SLC16A5: variants seen among roughly 807,000 people sequenced by gnomAD.
The protein encoded by SLC16A5 is monocarboxylate transporter 6.
SLC16A5 carries 29 observed loss-of-function variants against 33.2 expected under a neutral mutation model. The observed-to-expected ratio is 0.87, with a 90% confidence interval of 0.65 to 1.19. The LOEUF (loss-of-function observed/expected upper bound fraction) is 1.19. Ranked by LOEUF, SLC16A5 falls within the 50% of genes most tolerant of loss-of-function variation. The pLI is 0.00. For synonymous variants in SLC16A5, 248 were observed against 284.1 expected (o/e 0.87, Z 1.28); for missense variants, 606 against 678.2 (o/e 0.89, Z 1.18).
intron 2 of SLC16A5, chr17:75,093,256 C>T (rs1191338047): frequency 4.4e-6 from 3 of 675,636 alleles, no homozygotes; most frequent in Non-Finnish European, 7.6e-6. Context: ...CTAGGAGGTC[C>T]CCCTGTTGAC....
At chr17:75,099,829 T>C in intron 4 of SLC16A5, 178 bp from the exon 5 acceptor site, 1 of 612,976 alleles carries the variant, frequency 1.6e-6, no homozygotes, top group Non-Finnish European at 2.8e-6. Context: ...TGGGGTGGGG[T>C]GCCTACAGGG....
chr17:75,098,116 G>C lies in SLC16A5; in HGVS notation c.278G>C (p.Gly93Ala), dbSNP rs1008667433. Residue 93 changes from glycine to alanine, a missense_variant, in exon 4 of 7, where the codon GGC becomes GCC. Gly to Ala is a moderately conservative substitution (Grantham distance 60, BLOSUM62 0). Transcript: ENST00000329783. Reference sequence around the variant, plus strand: ...CTGGGGGGCGTGCTGGCCAGCCTGGGCATGGTGGCCAGCTCCTTCTCTCAC... The same window carrying C: ...CTGGGGGGCGTGCTGGCCAGCCTGGCCATGGTGGCCAGCTCCTTCTCTCAC... The part of the protein sequence containing the change: ...VMLGGVLASL[G>A]MVASSFSHNL... The C allele has an allele frequency of 1.2e-6, 2 of 1,612,262 alleles. No homozygotes were observed. Among genetic ancestry groups the C allele is most frequent in the African/African-American group, 1.3e-5 (1 of 74,906 alleles).
At chr17:75,106,702 C>A (rs996149495), downstream of SLC16A5, among the ~76,000 whole-genome samples, 14 of 151,820 alleles carry the variant, frequency 9.2e-5, no homozygotes, top group African/African-American at 3.4e-4. Context: ...CAAGACCAGC[C>A]TGGCCAACAT....
At chr17:75,088,707 C>T (rs886636911) in intron 1 of SLC16A5, among the ~76,000 whole-genome samples, 11 of 152,130 alleles carry the variant, frequency 7.2e-5, no homozygotes, top group African/African-American at 2.4e-4. Flanking sequence ...CGGGGCTCTC[C>T]CACCATGGGA....
At chr17:75,091,103 G>C (rs751280629) in intron 2 of SLC16A5, among the ~76,000 whole-genome samples, 16 of 152,186 alleles carry the variant, frequency 1.1e-4, no homozygotes, top group Non-Finnish European at 2.1e-4. Context: ...GGGCCTGGGA[G>C]TGCCAGGGCT....
intron 2 of SLC16A5, among the ~76,000 whole-genome samples, chr17:75,092,826 TGTGTGTGTGTGTG>T (rs1025484166): frequency 1.2e-5 from 1 of 83,646 alleles, no homozygotes; most frequent in African/African-American, 6.2e-5. Context: ...CCACTGCGTG[TGTGTGTGTGTGTG>T]TGTGTGTGTG....
chr17:75,104,790 G>A (rs2073843016), intron 6 of SLC16A5: 1 of 985,290 alleles, frequency 1.0e-6, no homozygotes, highest in Non-Finnish European at 1.2e-6. Flanking sequence ...TCCAGGAGCA[G>A]GCCCTCCGGA....
rs535752297 is a variant in SLC16A5, at chr17:75,104,103, C to T, written c.1287C>T (p.Val429=). The T allele has an allele frequency of 5.0e-6, 8 of 1,614,206 alleles. No individual in the cohort carries two copies. Among genetic ancestry groups the T allele is most frequent in the African/African-American group, 2.7e-5 (2 of 75,056 alleles). ...AGAAGGAGCAAGGCAAGCAGGCTGTCGCGGCGGATGCCCTGGAGCGGGATC... is the reference window on the plus strand; with the variant it reads ...AGAAGGAGCAAGGCAAGCAGGCTGTTGCGGCGGATGCCCTGGAGCGGGATC... ...LQKKEQGKQA[V]AADALERDLF... is the part of the protein sequence containing the mutation. The change falls in exon 6 of 7, where the codon GTC becomes GTT. Residue 429 remains valine (V), a synonymous_variant. Coordinates refer to ENST00000329783, the MANE Select transcript of SLC16A5 (RefSeq NM_004695.4).
intron 4 of SLC16A5, 101 bp downstream of exon 4, chr17:75,098,282 G>T: frequency 1.3e-6 from 2 of 1,492,230 alleles, no homozygotes; most frequent in South Asian, 2.4e-5. Context: ...GGAACTGCTG[G>T]CTGGGTGCGG....
At chr17:75,091,114 A>G (rs868440730) in intron 2 of SLC16A5, among the ~76,000 whole-genome samples, 4 of 152,122 alleles carry the variant, frequency 2.6e-5, no homozygotes, top group South Asian at 2.1e-4. Context: ...TGCCAGGGCT[A>G]GGTGGCAGGG....
At position 75,096,972 on chromosome 17, in the gene SLC16A5, C is replaced by T. The variant is rs113611619; in HGVS notation, c.200-1066C>T. ...TCCCAAGTAGCTGGGATTACAGGCA[C>T]GCACCACCATGCCTGGCTAATTTTT... On this transcript the variant is annotated intron_variant, in intron 3 of 6. Transcript: ENST00000329783. Among the ~76,000 whole-genome samples, 4 of 147,966 alleles carry T rather than the reference C, an allele frequency of 2.7e-5. 1 individual carries two copies. The highest frequency in any genetic ancestry group is 4.3e-4 in the South Asian group (2 of 4,648).
chr17:75,105,702 G>A, intron 6 of SLC16A5, 178 bp from the exon 7 acceptor site: 1 of 985,446 alleles, frequency 1.0e-6, no homozygotes, highest in Non-Finnish European at 1.2e-6. Flanking sequence ...CCCTGCAGCA[G>A]GTCATAAACT....
intron 2 of SLC16A5, chr17:75,090,282 A>T (rs956825486): frequency 2.0e-5 from 3 of 152,014 alleles, no homozygotes; most frequent in African/African-American, 7.3e-5. Flanking sequence ...TGACTGGAGA[A>T]ACCGCTCGAT....
chr17:75,108,434 T>C (rs1225107904), downstream of SLC16A5, among the ~76,000 whole-genome samples: 1 of 152,034 alleles, frequency 6.6e-6, no homozygotes, highest in African/African-American at 2.4e-5. Context: ...AGGGTGTACA[T>C]AGGGCAGGGG....
chr17:75,105,406 T>G, intron 6 of SLC16A5: 3 of 985,466 alleles, frequency 3.0e-6, no homozygotes, highest in Non-Finnish European at 3.6e-6. Context: ...GGGCTGCTTT[T>G]GCAAGGGAAG....
At chr17:75,095,664 A>AT (rs35089527) in intron 3 of SLC16A5, among the ~76,000 whole-genome samples, 6,712 of 143,170 alleles carry the variant, frequency 0.047, 514 homozygotes, top group African/African-American at 0.16. Flanking sequence ...CACCCAGCTA[A>AT]TTTTTTTTTT....
chr17:75,093,482 C>A (rs2073670593), intron 2 of SLC16A5, 107 bp from the exon 3 acceptor site: 1 of 1,536,262 alleles, frequency 6.5e-7, no homozygotes, highest in African/African-American at 1.4e-5. Flanking sequence ...ACACCTGGTA[C>A]TTGGGTATGA....
downstream of SLC16A5, among the ~76,000 whole-genome samples, chr17:75,107,667 A>G (rs151260629): frequency 0.018 from 2,682 of 151,952 alleles, 36 homozygotes; most frequent in Non-Finnish European, 0.03. Context: ...GGCCGGGCGC[A>G]GTGGCTCACG....
chr17:75,092,028 G>GGTGTGT (rs535726400), intron 2 of SLC16A5, among the ~76,000 whole-genome samples: 5,612 of 149,684 alleles, frequency 0.037, 142 homozygotes, highest in Middle Eastern at 0.096. Flanking sequence ...ATGTGAGGGG[G>GGTGTGT]GTGTGTGTGT....
Sources: allele counts gnomAD v4.1 joint callset (sites outside exome capture counted in the v4.1 genomes callset), GRCh38; gene constraint gnomAD v4.1.1; transcripts MANE v1.5; gene names NCBI Gene and HGNC (gene_info 2026-07-23, HGNC 2026-07-21).